TYSND1: variants seen among roughly 807,000 people sequenced by gnomAD.
TYSND1 encodes peroxisomal leader peptide-processing protease.
Under a neutral mutation model 37.2 loss-of-function variants are expected in TYSND1, and 30 were observed. The observed-to-expected ratio is 0.81, with a 90% CI of 0.60 to 1.09. The LOEUF (loss-of-function observed/expected upper bound fraction) is 1.09. TYSND1 is among the 50% of genes least tolerant of loss of function. The probability of loss-of-function intolerance (pLI) is 0.00; values close to 1 mark genes in which losing one functional copy is unlikely to be tolerated. For missense variants in TYSND1, 806 were observed against 817.4 expected (o/e 0.99, Z 0.17); for synonymous variants, 364 against 383.8 (o/e 0.95, Z 0.60).
Position 70,146,313 on chromosome 10 carries a change from C to T in TYSND1, c.274G>A (p.Ala92Thr). 6.7e-7 allele frequency: 1 copy of T among 1,502,130 alleles called. No homozygotes were observed. Among genetic ancestry groups the T allele is most frequent in the Non-Finnish European group, 8.8e-7 (1 of 1,133,914 alleles). 93.1% of individuals were successfully genotyped at this position (1,502,130 alleles called of 1,614,324 possible). ...RLHVQWAPTA[A>T]GPGGGAERGR... ...CGCTCCGCGCCGCCCCCGGGACCCG[C>T]GGCCGTTGGGGCCCACTGCACGTGC... Residue 92 changes from alanine (A) to threonine (T), a missense_variant, in exon 1 of 4, where the codon GCG becomes ACG. Ala to Thr is a moderately conservative substitution (Grantham distance 58). Transcript: ENST00000287078.
chr10:70,140,928 C>T (rs1022673748), intron 3 of TYSND1, among the ~76,000 whole-genome samples: 1 of 151,856 alleles, frequency 6.6e-6, no homozygotes, highest in African/African-American at 2.4e-5. Context: ...TCTTTCGTGG[C>T]CTTGACATTT....
chr10:70,146,380 G>A lies in TYSND1; in HGVS notation c.207C>T (p.Ala69=). ...TGCAACTGTCGCCAGGCAGGAAGAC[G>A]GCGCCGGCCGCGGTCAGGACTTCGC... The part of the protein sequence containing the change: ...AGSEVLTAAG[A]VFLPGDSCRD... Residue 69 remains alanine (A), a synonymous_variant, in exon 1 of 4, where the codon GCC becomes GCT. Transcript: ENST00000287078. The A allele has an allele frequency of 1.3e-6, 2 of 1,569,710 alleles. No homozygotes were observed. Among genetic ancestry groups the A allele is most frequent in the Non-Finnish European group, 1.7e-6 (2 of 1,164,100 alleles).
At position 70,138,698 on chromosome 10, in the gene TYSND1, C is replaced by CCCAAAT. The variant is rs909108811; in HGVS notation, c.*1225_*1226insATTTGG. On this transcript the variant is annotated 3_prime_UTR_variant, in exon 4 of 4. Coordinates refer to ENST00000287078, the MANE Select transcript of TYSND1 (RefSeq NM_173555.4). ...GGTCAAGACCACCACCTTCCGGGAC[C>CCCAAAT]TGCAAGCCCCACCCAGCTCTGACTG... 4 of 152,660 alleles carry CCCAAAT rather than the reference C, an allele frequency of 2.6e-5. No individual in the cohort carries two copies. Among genetic ancestry groups the CCCAAAT allele is most frequent in the African/African-American group, 9.6e-5 (4 of 41,480 alleles). The allele number at this position is 152,660 out of a possible 1,614,324, so 9.5% of individuals were successfully genotyped here. A position where few individuals can be genotyped will look rare whatever the true frequency, so the allele number is the denominator to read the frequency against.
In TYSND1 at chr10:70,146,528, C is replaced by A; in HGVS notation, c.59G>T (p.Ser20Ile). The A allele has an allele frequency of 6.3e-7, 1 of 1,587,778 alleles. No individual in the cohort carries two copies. The change falls in exon 1 of 4, where the codon AGC becomes ATC. Residue 20 changes from serine to isoleucine, a missense_variant. Coordinates refer to ENST00000287078, the MANE Select transcript of TYSND1 (RefSeq NM_173555.4). ...CTCGGGCTGTCCGGCCCGGGAGGCG[C>A]TCACCATGCAGCCCGCCTGCTCGGC... ...RAAEQAGCMV[S>I]ASRAGQPEAG... is the part of the protein sequence containing the mutation.
rs1344089980 is a variant in TYSND1 at position 70,145,582 on chromosome 10, G to A, written c.1005C>T (p.Pro335=). 5.5e-6 allele frequency: 8 copies of A among 1,467,590 alleles called. 1 individual carries two copies. In the South Asian group the frequency reaches 7.9e-5, roughly 14 times the overall value. 90.9% of individuals were successfully genotyped at this position (1,467,590 alleles called of 1,614,324 possible). ...CCCACAGGGGCCCGGAGTCTCGGAG[G>A]GGCAGACCCCACGGGACGCCCACCT... ...PPEVGVPWGL[P]LRDSGPLWAA... Residue 335 remains proline (P), a synonymous_variant, in exon 1 of 4, where the codon CCC becomes CCT. Coordinates refer to ENST00000287078, the MANE Select transcript of TYSND1 (RefSeq NM_173555.4).
intron 3 of TYSND1, among the ~76,000 whole-genome samples, chr10:70,140,955 TTTTA>T (rs1218268535): frequency 1.4e-5 from 2 of 140,514 alleles, no homozygotes; most frequent in South Asian, 2.4e-4. Flanking sequence ...GTGCAGGTTA[TTTTA>T]TTTATTTACA....
intron 3 of TYSND1, among the ~76,000 whole-genome samples, chr10:70,140,825 G>C (rs1451044736): frequency 6.6e-6 from 1 of 152,072 alleles, no homozygotes; most frequent in African/African-American, 2.4e-5. Context: ...TCCTTTTTCA[G>C]TTCCAATATC....
In TYSND1 at chr10:70,146,002, CT is replaced by C; in HGVS notation, c.584del (p.Glu195GlyfsTer44). On this transcript the variant is annotated frameshift_variant, in exon 1 of 4. Transcript: ENST00000287078. LOFTEE classifies it high-confidence loss of function. The stretch of plus-strand genomic sequence containing the variant: ...CTGGCCCGCGCTCCTCCTCCACCTC[CT>C]CCTGGCCTAGCCGCACGCCCAGCAG... Reference protein sequence around the residue: ...FALLGVRLGQEEVEEERGPAM... With the variant: ...FALLGVRLGQXEVEEERGPAM... The C allele has an allele frequency of 6.3e-7, 1 of 1,588,746 alleles. No individual in the cohort carries two copies. Among genetic ancestry groups the C allele is most frequent in the Non-Finnish European group, 8.6e-7 (1 of 1,168,854 alleles).
At chr10:70,144,771 G>A in intron 1 of TYSND1, 2 of 985,524 alleles carry the variant, frequency 2.0e-6, no homozygotes, top group Non-Finnish European at 2.4e-6. Context: ...GCCACAGTGG[G>A]GACACCTATG....
chr10:70,143,419 A>C lies in TYSND1; in HGVS notation c.1297+423T>G, dbSNP rs146269588. Among the ~76,000 whole-genome samples the C allele has an allele frequency of 2.0e-5, 3 of 152,352 alleles. No individual in the cohort carries two copies. In the East Asian group the frequency reaches 5.8e-4, roughly 29 times the overall value. On this transcript the variant is annotated intron_variant, in intron 2 of 3. Coordinates refer to ENST00000287078, the MANE Select transcript of TYSND1 (RefSeq NM_173555.4). ...CTAGCCTGTCCAAGGACATGGGACT[A>C]ATAGGTGGCATAGGAAAGATGCCCA...
Position 70,146,209 on chromosome 10 carries a change from C to T in TYSND1, c.378G>A (p.Leu126=). ...GPPAPSRGRP[L]QPRLPAELLL... ...GCAGCTCAGCAGGAAGCCGGGGCTG[C>T]AGGGGACGCCCGCGGGACGGGGCAG... The change falls in exon 1 of 4, where the codon CTG becomes CTA. Residue 126 remains leucine (L), a synonymous_variant. Transcript: ENST00000287078. 6.6e-7 allele frequency: 1 copy of T among 1,520,518 alleles called. No homozygotes were observed. The highest frequency in any genetic ancestry group is 8.8e-7 in the Non-Finnish European group (1 of 1,138,996). The allele number at this position is 1,520,518 out of a possible 1,614,324, so 94.2% of individuals were successfully genotyped here.
At position 70,140,584 on chromosome 10, in the gene TYSND1, G is replaced by C. The variant is rs187542177; in HGVS notation, c.1484-443C>G. ...CCCACAGACATATTTTGTTTGGCCT[G>C]CTCGGTGCATGGATGTGTGTGTAGT... On this transcript the variant is annotated intron_variant, in intron 3 of 3. Coordinates refer to ENST00000287078, the MANE Select transcript of TYSND1 (RefSeq NM_173555.4). Among the ~76,000 whole-genome samples the C allele has an allele frequency of 8.5e-5, 13 of 152,290 alleles. No individual in the cohort carries two copies. The East Asian group carries it at 2.5e-3, about 29-fold the overall frequency.
intron 3 of TYSND1, among the ~76,000 whole-genome samples, chr10:70,140,653 T>C (rs2072755098): frequency 6.6e-6 from 1 of 152,260 alleles, no homozygotes; most frequent in Non-Finnish European, 1.5e-5. Context: ...TGCCTAAATA[T>C]TGCAGAATTC....
Position 70,146,131 on chromosome 10 carries a change from C to T in TYSND1, c.456G>A (p.Gly152=), listed in dbSNP as rs1362823037. The T allele has an allele frequency of 1.3e-6, 2 of 1,557,704 alleles. No individual in the cohort carries two copies. Among genetic ancestry groups the T allele is most frequent in the South Asian group, 1.2e-5 (1 of 84,832 alleles). ...AFWAHFARLF[G]DEAAEQWRFS... ...AGCGCCACTGTTCCGCTGCCTCGTCCCCGAAGAGGCGCGCGAAGTGGGCCC... is the reference window on the plus strand; with the variant it reads ...AGCGCCACTGTTCCGCTGCCTCGTCTCCGAAGAGGCGCGCGAAGTGGGCCC... Residue 152 remains glycine, a synonymous_variant, in exon 1 of 4, where the codon GGG becomes GGA. Coordinates refer to ENST00000287078, the MANE Select transcript of TYSND1 (RefSeq NM_173555.4).
Position 70,145,403 on chromosome 10 carries a change from T to C in TYSND1, c.1166+18A>G. ...AGACCTGGAAAGGGATGAAGTGGCG[T>C]CAGCCCTGCGGGCTTACTTGGGGGT... On this transcript the variant is annotated intron_variant, in intron 1 of 3. Coordinates refer to ENST00000287078, the MANE Select transcript of TYSND1 (RefSeq NM_173555.4). 7.2e-7 allele frequency: 1 copy of C among 1,397,614 alleles called. No individual in the cohort carries two copies. The allele number at this position is 1,397,614 out of a possible 1,614,324, so 86.6% of individuals were successfully genotyped here.
At chr10:70,144,717 C>A (rs967212222) in intron 1 of TYSND1, 3 of 985,504 alleles carry the variant, frequency 3.0e-6, no homozygotes, top group South Asian at 4.7e-5. Context: ...CATAGGCAAA[C>A]CTTCATCATC....
Position 70,146,269 on chromosome 10 carries a change from G to C in TYSND1, c.318C>G (p.Cys106Trp), listed in dbSNP as rs965583380. 2.0e-6 allele frequency: 3 copies of C among 1,477,404 alleles called. No individual in the cohort carries two copies. The Admixed American group carries it at 7.0e-5, about 34-fold the overall frequency. 91.5% of individuals were successfully genotyped at this position (1,477,404 alleles called of 1,614,324 possible). Residue 106 changes from cysteine to tryptophan, a missense_variant, in exon 1 of 4, where the codon TGC becomes TGG. By Grantham distance (215) the Cys-to-Trp change is radical. Transcript: ENST00000287078. ...GCTCGAGGCTCGCGCACTGGGGCGT[G>C]CACAGCCCTGGGCGGCCCCGCTCCG... is the stretch of plus-strand genomic sequence containing the variant. ...GGAERGRPGL[C>W]TPQCASLEPG...
At position 70,146,673 on chromosome 10, in the gene TYSND1, T is replaced by A; in HGVS notation, c.-87A>T. On this transcript the variant is annotated 5_prime_UTR_variant, in exon 1 of 4. Transcript: ENST00000287078. ...CCTACCCGGTCCGGCTGAAGCTGCCTAGCGCCACCCACAGCTGGAAGCGAG... is the reference window on the plus strand; with the variant it reads ...CCTACCCGGTCCGGCTGAAGCTGCCAAGCGCCACCCACAGCTGGAAGCGAG... 1 of 1,299,804 alleles carries A rather than the reference T, an allele frequency of 7.7e-7. No homozygotes were observed. Among genetic ancestry groups the A allele is most frequent in the Non-Finnish European group, 1.0e-6 (1 of 991,850 alleles). 80.5% of individuals were successfully genotyped at this position (1,299,804 alleles called of 1,614,324 possible). A position where few individuals can be genotyped will look rare whatever the true frequency, so the allele number is the denominator to read the frequency against.
chr10:70,146,009 C>T lies in TYSND1; in HGVS notation c.578G>A (p.Gly193Asp). Residue 193 changes from glycine (G) to aspartate (D), a missense_variant, in exon 1 of 4, where the codon GGC (glycine) becomes GAC (aspartate). This residue lies in a region of TYSND1 where 708 missense variants were observed against 705.4 expected (regional missense o/e 1.00). Transcript: ENST00000287078. Reference sequence around the variant, plus strand: ...GCGCTCCTCCTCCACCTCCTCCTGGCCTAGCCGCACGCCCAGCAGCGCAAA... The same window carrying T: ...GCGCTCCTCCTCCACCTCCTCCTGGTCTAGCCGCACGCCCAGCAGCGCAAA... Reference protein sequence around the residue: ...GWFALLGVRLGQEEVEEERGP... With the variant: ...GWFALLGVRLDQEEVEEERGP... The T allele has an allele frequency of 6.3e-7, 1 of 1,593,738 alleles. No individual in the cohort carries two copies. The highest frequency in any genetic ancestry group is 8.5e-7 in the Non-Finnish European group (1 of 1,171,312).
Sources: allele counts gnomAD v4.1 joint callset (sites outside exome capture counted in the v4.1 genomes callset), GRCh38; gene constraint gnomAD v4.1.1; regional missense constraint gnomAD v4.1.1; transcripts MANE v1.5; gene names NCBI Gene and HGNC (gene_info 2026-07-23, HGNC 2026-07-21).